The following TSPAN12 variants were observed in gnomAD, a reference collection of about 807,000 sequenced individuals.
TSPAN12 encodes the protein tetraspanin 12.
TSPAN12 carries 19 observed loss-of-function variants against 39.2 expected under a neutral mutation model. That is an observed-to-expected ratio of 0.49 (90% CI 0.34 to 0.71). The LOEUF (loss-of-function observed/expected upper bound fraction) is 0.71. TSPAN12 is among the 30% of genes least tolerant of loss of function. TSPAN12 has a pLI of 0.01. For missense variants in TSPAN12, 314 were observed against 359.9 expected, an observed-to-expected ratio of 0.87 and a Z score of 1.03; for synonymous variants, 119 against 124.8, an observed-to-expected ratio of 0.95 and a Z score of 0.31.
chr7:120,795,615 C>T (rs930637369), intron 7 of TSPAN12, among the ~76,000 whole-genome samples: 10 of 152,100 alleles, frequency 6.6e-5, no homozygotes, highest in Admixed American at 2.6e-4. Context: ...ATCTAGGTGC[C>T]AATACATGCC....
At chr7:120,841,138 AC>A (rs1481621892) in intron 2 of TSPAN12, among the ~76,000 whole-genome samples, 1 of 152,188 alleles carries the variant, frequency 6.6e-6, no homozygotes. Flanking sequence ...GATGATCCAG[AC>A]CACACTGGTC....
intron 1 of TSPAN12, among the ~76,000 whole-genome samples, 161 bp downstream of exon 1, chr7:120,857,659 C>G (rs2116524422): frequency 6.6e-6 from 1 of 152,184 alleles, no homozygotes; most frequent in Middle Eastern, 3.4e-3. Context: ...ACCGACCCAG[C>G]CATCGCGTCC....
rs190865763 is a variant in TSPAN12 at position 120,839,926 on chromosome 7, T to G, written c.149+101A>C. On this transcript the variant is annotated intron_variant, in intron 3 of 7. Coordinates refer to ENST00000222747, the MANE Select transcript of TSPAN12 (RefSeq NM_012338.4). The stretch of plus-strand genomic sequence containing the variant: ...AAAGGTTGCTATGGGCAGGAAAAAC[T>G]TTTCCAAAAGATCAAGGAAGAGCAC... 17 of 1,012,214 alleles carry G rather than the reference T, an allele frequency of 1.7e-5. No individual in the cohort carries two copies. In the African/African-American group the frequency reaches 2.2e-4, roughly 13 times the overall value. 62.7% of individuals were successfully genotyped at this position (1,012,214 alleles called of 1,614,324 possible). A position where few individuals can be genotyped will look rare whatever the true frequency, so the allele number is the denominator to read the frequency against.
chr7:120,810,688 G>A lies in TSPAN12; in HGVS notation c.361-118C>T, dbSNP rs539463295. ...CGCATACTCGGAATGTCTTCTAATT[G>A]ACAAATACTATTTTAAATTTATATT... On this transcript the variant is annotated intron_variant, in intron 5 of 7. Coordinates refer to ENST00000222747, the MANE Select transcript of TSPAN12 (RefSeq NM_012338.4). The A allele has an allele frequency of 4.7e-5, 33 of 696,622 alleles. No individual in the cohort carries two copies. The African/African-American group carries it at 5.1e-4, about 11-fold the overall frequency. The allele number at this position is 696,622 out of a possible 1,614,324, so 43.2% of individuals were successfully genotyped here. A position where few individuals can be genotyped will look rare whatever the true frequency, so the allele number is the denominator to read the frequency against.
rs1279794021 is a variant in TSPAN12, at chr7:120,800,752, TTG to T, written c.612+5795_612+5796del. Among the ~76,000 whole-genome samples, 31 of 144,784 alleles carry T rather than the reference TTG, an allele frequency of 2.1e-4. 6 individuals carry two copies. Among genetic ancestry groups the T allele is most frequent in the South Asian group, 4.7e-4 (2 of 4,224 alleles). 95.0% of individuals were successfully genotyped at this position (144,784 alleles called of 152,430 possible). On this transcript the variant is annotated intron_variant, in intron 7 of 7. Transcript: ENST00000222747. ...ATAAAGTTTTCCTTATCGTTTTTTT[TTG>T]TTTTTTTTTTTTGAGACAGAGTCTC...
chr7:120,855,724 C>A (rs1794857403), intron 2 of TSPAN12, among the ~76,000 whole-genome samples: 1 of 152,100 alleles, frequency 6.6e-6, no homozygotes, highest in Non-Finnish European at 1.5e-5. Flanking sequence ...CTATAAGGTG[C>A]AGTTCAACCT....
chr7:120,788,553 G>A lies in TSPAN12; in HGVS notation c.*39C>T, dbSNP rs41622. 0.77 allele frequency: 1,246,206 copies of A among 1,612,734 alleles called. 484,344 individuals are homozygous for A. The highest frequency in any genetic ancestry group is 0.97 in the East Asian group (43,404 of 44,874). On this transcript the variant is annotated 3_prime_UTR_variant, in exon 8 of 8. Transcript: ENST00000222747. ...ATGTACTCAAAAATTCACAAGTCCA[G>A]TAAAACAAGTTTGTGGTTTTCTTCT...
intron 4 of TSPAN12, among the ~76,000 whole-genome samples, chr7:120,825,223 T>G (rs1794262668): frequency 6.6e-6 from 1 of 152,150 alleles, no homozygotes; most frequent in East Asian, 1.9e-4. Flanking sequence ...AAGAATCTGC[T>G]ACACTGAAAG....
intron 7 of TSPAN12, among the ~76,000 whole-genome samples, chr7:120,789,108 G>A (rs1793469615): frequency 6.6e-6 from 1 of 152,150 alleles, no homozygotes; most frequent in African/African-American, 2.4e-5. Context: ...ATTCCAATGA[G>A]CCAACCCCTT....
rs1257470628 is a variant in TSPAN12 at position 120,838,700 on chromosome 7, C to A, written c.285+77G>T. 6.0e-6 allele frequency: 9 copies of A among 1,499,218 alleles called. No individual in the cohort carries two copies. The African/African-American group carries it at 7.0e-5, about 12-fold the overall frequency. The allele number at this position is 1,499,218 out of a possible 1,614,324, so 92.9% of individuals were successfully genotyped here. ...GTTACTGCTATCACTGCTCCCTAAT[C>A]TTGTGAACTGATTAAAAAATAATAT... On this transcript the variant is annotated intron_variant, in intron 4 of 7. Coordinates refer to ENST00000222747, the MANE Select transcript of TSPAN12 (RefSeq NM_012338.4).
intron 6 of TSPAN12, among the ~76,000 whole-genome samples, chr7:120,808,089 T>C (rs946237892): frequency 6.6e-6 from 1 of 152,060 alleles, no homozygotes; most frequent in African/African-American, 2.4e-5. Context: ...TCAAAGAAAA[T>C]CCATTTGTCT....
At chr7:120,819,987 T>C (rs1211709290) in intron 4 of TSPAN12, among the ~76,000 whole-genome samples, 3 of 152,142 alleles carry the variant, frequency 2.0e-5, no homozygotes, top group African/African-American at 7.2e-5. Context: ...GAAGTGTACA[T>C]CCCTATCAAT....
At chr7:120,788,923 T>C in intron 7 of TSPAN12, 26 bp from the exon 8 acceptor site, 1 of 1,612,718 alleles carries the variant, frequency 6.2e-7, no homozygotes, top group Non-Finnish European at 8.5e-7. Flanking sequence ...ATGGTCAACA[T>C]TACTTTAGAT....
At chr7:120,824,274 T>C (rs1339430678) in intron 4 of TSPAN12, among the ~76,000 whole-genome samples, 3 of 115,006 alleles carry the variant, frequency 2.6e-5, no homozygotes, top group East Asian at 2.2e-4. Flanking sequence ...CTACTAAAAA[T>C]GCAAAAAAAA....
chr7:120,837,514 G>A (rs768968781), intron 4 of TSPAN12, among the ~76,000 whole-genome samples: 11 of 151,912 alleles, frequency 7.2e-5, no homozygotes, highest in Non-Finnish European at 1.3e-4. Flanking sequence ...GGGTTTCACC[G>A]TGTTAGCCAG....
chr7:120,789,693 G>C (rs1793482695), intron 7 of TSPAN12, among the ~76,000 whole-genome samples: 1 of 152,162 alleles, frequency 6.6e-6, no homozygotes. Flanking sequence ...GGGTAAAAGA[G>C]TCCTCGGTGG....
intron 4 of TSPAN12, among the ~76,000 whole-genome samples, chr7:120,836,982 T>G (rs901914067): frequency 2.0e-5 from 3 of 152,176 alleles, no homozygotes; most frequent in African/African-American, 7.2e-5. Flanking sequence ...ATAGGGACTG[T>G]GCAGAGTAAA....
chr7:120,789,034 A>C, intron 7 of TSPAN12, 137 bp from the exon 8 acceptor site: 1 of 906,354 alleles, frequency 1.1e-6, no homozygotes, highest in Non-Finnish European at 1.7e-6. Flanking sequence ...AGTGGTTCTC[A>C]GGGAAAGCTG....
chr7:120,844,538 G>A (rs1328833144), intron 2 of TSPAN12, among the ~76,000 whole-genome samples: 2 of 152,194 alleles, frequency 1.3e-5, no homozygotes, highest in African/African-American at 4.8e-5. Flanking sequence ...GAAGAAACTG[G>A]CCAAAACAAA....
Sources: gnomAD v4.1 joint callset for allele counts (sites outside exome capture counted in the v4.1 genomes callset) on GRCh38, gnomAD v4.1.1 for gene constraint, MANE v1.5 for transcripts, NCBI Gene and HGNC (gene_info 2026-07-23, HGNC 2026-07-21) for gene names.